The following CSNK1G3 variants were observed in gnomAD, a reference collection of about 807,000 sequenced individuals.
CSNK1G3 encodes the protein casein kinase I isoform gamma-3.
In CSNK1G3, 23 loss-of-function variants were observed where a neutral mutation model predicts 64.3. That is an observed-to-expected ratio of 0.36 (90% CI 0.26 to 0.51). CSNK1G3 has a LOEUF of 0.51. Ranked by LOEUF, CSNK1G3 falls within the 20% of genes least tolerant of loss-of-function variation. The pLI, the probability that CSNK1G3 is intolerant of heterozygous loss-of-function variation, is 0.96. For missense variants in CSNK1G3, 357 were observed against 510.5 expected, an observed-to-expected ratio of 0.70 and a Z score of 2.90; for synonymous variants, 158 against 162.2, an observed-to-expected ratio of 0.97 and a Z score of 0.20.
chr5:123,536,861 A>G (rs1780920450), intron 1 of CSNK1G3, among the ~76,000 whole-genome samples: 1 of 152,192 alleles, frequency 6.6e-6, no homozygotes, highest in Admixed American at 6.6e-5. Flanking sequence ...ATCATCAGGG[A>G]AATGCAAATT....
In CSNK1G3 at chr5:123,591,806, C is replaced by T. The variant is rs543557772; in HGVS notation, c.1086+392C>T. Reference sequence around the variant, plus strand: ...TTCAGAAGTAAAGAAGACTGTATAACCTTTAAGAATGATTTTGTCACCAGT... The same window carrying T: ...TTCAGAAGTAAAGAAGACTGTATAATCTTTAAGAATGATTTTGTCACCAGT... On this transcript the variant is annotated intron_variant, in intron 10 of 12. Transcript: ENST00000345990. 2.0e-5 allele frequency among the ~76,000 whole-genome samples: 3 copies of T among 152,068 alleles called. No homozygotes were observed. The Middle Eastern group carries it at 0.01, about 521-fold the overall frequency.
chr5:123,565,647 T>C (rs1561532296), intron 4 of CSNK1G3, among the ~76,000 whole-genome samples: 1 of 152,114 alleles, frequency 6.6e-6, no homozygotes, highest in African/African-American at 2.4e-5. Context: ...AGAAAAGAGG[T>C]TTAGTTGGCT....
intron 1 of CSNK1G3, among the ~76,000 whole-genome samples, chr5:123,529,253 T>C (rs1333422884): frequency 6.6e-6 from 1 of 152,206 alleles, no homozygotes; most frequent in East Asian, 1.9e-4. Flanking sequence ...AGTTACGTAT[T>C]GATTGGTTGA....
chr5:123,573,307 A>T, intron 4 of CSNK1G3, 86 bp from the exon 5 acceptor site: 1 of 1,418,780 alleles, frequency 7.0e-7, no homozygotes, highest in Admixed American at 1.8e-5. Context: ...TCTTGAAACT[A>T]TAAAATTTTA....
At chr5:123,599,434 G>A (rs1794049377) in intron 10 of CSNK1G3, among the ~76,000 whole-genome samples, 1 of 152,164 alleles carries the variant, frequency 6.6e-6, no homozygotes, top group Non-Finnish European at 1.5e-5. Context: ...TAAGCAGTCT[G>A]ATCTTTTAGC....
exon 13 of CSNK1G3, chr5:123,615,794 A>G (rs1749354394): frequency 6.6e-6 from 1 of 152,146 alleles, no homozygotes; most frequent in African/African-American, 2.4e-5. Context: ...TCATTTATAT[A>G]ATTGTTACTT....
chr5:123,537,642 C>G (rs1239117234), intron 1 of CSNK1G3, among the ~76,000 whole-genome samples: 2 of 152,056 alleles, frequency 1.3e-5, no homozygotes, highest in African/African-American at 2.4e-5. Context: ...TGAGATGAAA[C>G]ACGCAGTTTT....
At chr5:123,545,927 ATTGTTTAG>A in intron 2 of CSNK1G3, 86 bp downstream of exon 2, 1 of 1,133,724 alleles carries the variant, frequency 8.8e-7, no homozygotes, top group Non-Finnish European at 1.3e-6. Flanking sequence ...TAGTTATTTA[ATTGTTTAG>A]TTGTTTAATG....
chr5:123,544,175 T>G (rs1782160379), intron 1 of CSNK1G3, among the ~76,000 whole-genome samples: 1 of 152,138 alleles, frequency 6.6e-6, no homozygotes, highest in Admixed American at 6.6e-5. Flanking sequence ...CACATAGCCC[T>G]CTCCAGCACA....
intron 1 of CSNK1G3, among the ~76,000 whole-genome samples, chr5:123,538,636 C>T (rs988649976): frequency 4.6e-5 from 7 of 152,054 alleles, no homozygotes; most frequent in Admixed American, 1.3e-4. Context: ...ATGTAGATTA[C>T]GGTTTGATGG....
chr5:123,534,648 A>G (rs114743130), intron 1 of CSNK1G3, among the ~76,000 whole-genome samples: 2,948 of 152,244 alleles, frequency 0.019, 48 homozygotes, highest in Non-Finnish European at 0.029. Flanking sequence ...TCTCAGTTAT[A>G]CACTGCAAGC....
At chr5:123,527,545 TGAG>T (rs979201729) in intron 1 of CSNK1G3, among the ~76,000 whole-genome samples, 1 of 152,214 alleles carries the variant, frequency 6.6e-6, no homozygotes, top group African/African-American at 2.4e-5. Flanking sequence ...GTCTGTTCTA[TGAG>T]GAGAGTTGAC....
In CSNK1G3 at chr5:123,604,964, A is replaced by G. The variant is rs564557476; in HGVS notation, c.1193+134A>G. ...TGCATGCAAAACAAGTGGTATGCTT[A>G]ATTATTTTAATCACTAGAATGAGTT... On this transcript the variant is annotated intron_variant, in intron 11 of 12. Transcript: ENST00000345990. 70 of 631,968 alleles carry G rather than the reference A, an allele frequency of 1.1e-4. No homozygotes were observed. The African/African-American group carries it at 1.3e-3, about 11-fold the overall frequency. The allele number at this position is 631,968 out of a possible 1,614,324, so 39.1% of individuals were successfully genotyped here.
At chr5:123,601,706 A>G (rs2151115201) in intron 10 of CSNK1G3, among the ~76,000 whole-genome samples, 1 of 152,298 alleles carries the variant, frequency 6.6e-6, no homozygotes, top group East Asian at 1.9e-4. Flanking sequence ...ATTTTCAATT[A>G]TGCTGCTTAA....
At chr5:123,520,100 G>A (rs1233575161) in intron 1 of CSNK1G3, among the ~76,000 whole-genome samples, 1 of 152,202 alleles carries the variant, frequency 6.6e-6, no homozygotes, top group South Asian at 2.1e-4. Flanking sequence ...AGAAAGACAG[G>A]CAGACACACA....
At chr5:123,591,321 T>G (rs1181900942) in exon 10 of CSNK1G3, 2 of 1,593,516 alleles carry the variant, frequency 1.3e-6, no homozygotes, top group Admixed American at 1.7e-5. Flanking sequence ...TATTGTAGCC[T>G]ACTCCAGTGG....
chr5:123,579,291 GTTTTT>G (rs11299582), intron 6 of CSNK1G3, among the ~76,000 whole-genome samples: 1 of 142,142 alleles, frequency 7.0e-6, no homozygotes, highest in Non-Finnish European at 1.5e-5. Context: ...TAAATTTGCT[GTTTTT>G]TTTTTTTTTT....
At chr5:123,522,310 G>T (rs1778253182) in intron 1 of CSNK1G3, among the ~76,000 whole-genome samples, 1 of 151,952 alleles carries the variant, frequency 6.6e-6, no homozygotes, top group Admixed American at 6.6e-5. Flanking sequence ...GAGACCGTCT[G>T]GCTAACACGG....
intron 10 of CSNK1G3, among the ~76,000 whole-genome samples, chr5:123,599,725 T>C (rs977496996): frequency 6.6e-6 from 1 of 152,112 alleles, no homozygotes; most frequent in Admixed American, 6.6e-5. Context: ...TTTTCTGGGG[T>C]ACTGAAATCT....
Sources: gnomAD v4.1 joint callset for allele counts (sites outside exome capture counted in the v4.1 genomes callset) on GRCh38, gnomAD v4.1.1 for gene constraint, MANE v1.5 for transcripts, NCBI Gene and HGNC (gene_info 2026-07-23, HGNC 2026-07-21) for gene names.